Variants in OR2M3 observed in about 807,000 individuals in gnomAD.
The protein encoded by OR2M3 is olfactory receptor 2M3.
In OR2M3, 1 loss-of-function variant was observed where a neutral mutation model predicts 4.3. The ratio of observed to expected loss-of-function variants is 0.23; its 90% CI spans 0.08 to 1.11. The LOEUF (loss-of-function observed/expected upper bound fraction) is 1.11. Among genes scored for constraint, OR2M3 ranks in the 50% most tolerant of loss-of-function variants. OR2M3 has a pLI of 0.54. For missense variants in OR2M3, 410 were observed against 390.4 expected (o/e 1.05, Z -0.42); for synonymous variants, 151 against 139.4 (o/e 1.08, Z -0.59).
At position 248,212,318 on chromosome 1, in the gene OR2M3, A is replaced by G. The variant is rs1042152990; in HGVS notation, c.*8312A>G. On this transcript the variant is annotated 3_prime_UTR_variant, in exon 2 of 2. Transcript: ENST00000641626. ...TTAGGTAGAAAGAAAGAAAGAAAAT[A>G]TTCAATAATCCTTATCTTTTTAACA... 9 of 152,062 alleles carry G rather than the reference A, an allele frequency of 5.9e-5. No homozygotes were observed. The highest frequency in any genetic ancestry group is 5.9e-5 in the Non-Finnish European group (4 of 67,952). 9.4% of individuals were successfully genotyped at this position (152,062 alleles called of 1,614,324 possible).
rs1416256594 is a variant in OR2M3 at position 248,210,075 on chromosome 1, T to C, written c.*6069T>C. 6.6e-6 allele frequency: 1 copy of C among 151,800 alleles called. No homozygotes were observed. Among genetic ancestry groups the C allele is most frequent in the African/African-American group, 2.4e-5 (1 of 40,954 alleles). 9.4% of individuals were successfully genotyped at this position (151,800 alleles called of 1,614,324 possible). On this transcript the variant is annotated 3_prime_UTR_variant, in exon 2 of 2. Coordinates refer to ENST00000641626, the MANE Select transcript of OR2M3 (RefSeq NM_001004689.2). ...TGGAGTTATATTCCTAGGGAGATTA[T>C]GGCTGCCTCTGCTGCAACACATAGG...
At position 248,207,172 on chromosome 1, in the gene OR2M3, A is replaced by C. The variant is rs1036764646; in HGVS notation, c.*3166A>C. ...TTGTAATATCTCCCTTTTCATTTCT[A>C]ATTGTGTTTATTTGCATCTTCTCTA... On this transcript the variant is annotated 3_prime_UTR_variant, in exon 2 of 2. Coordinates refer to ENST00000641626, the MANE Select transcript of OR2M3 (RefSeq NM_001004689.2). 2 of 151,762 alleles carry C rather than the reference A, an allele frequency of 1.3e-5. No homozygotes were observed. The highest frequency in any genetic ancestry group is 4.8e-5 in the African/African-American group (2 of 41,334). The allele number at this position is 151,762 out of a possible 1,614,324, so 9.4% of individuals were successfully genotyped here.
chr1:248,197,817 A>T (rs1270355314), intron 1 of OR2M3, among the ~76,000 whole-genome samples: 3 of 152,136 alleles, frequency 2.0e-5, no homozygotes, highest in Non-Finnish European at 4.4e-5. Context: ...ACTTTCTCCC[A>T]TACACAAAAT....
chr1:248,201,952 T>C (rs1480878857), intron 1 of OR2M3, among the ~76,000 whole-genome samples: 1 of 152,156 alleles, frequency 6.6e-6, no homozygotes, highest in African/African-American at 2.4e-5. Flanking sequence ...TAAGTGTGGT[T>C]GGAAAGAGTG....
In OR2M3 at chr1:248,203,926, C is replaced by T. The variant is rs779518126; in HGVS notation, c.859C>T (p.Pro287Ser). The change falls in exon 2 of 2, where the codon CCC becomes TCC. Residue 287 changes from proline to serine, a missense_variant. Pro to Ser is a moderately conservative substitution (Grantham distance 74). Coordinates refer to ENST00000641626, the MANE Select transcript of OR2M3 (RefSeq NM_001004689.2). ...FYTILTPMLN[P>S]LIYSLRNKEV... ...CACCATCCTCACTCCCATGTTGAAT[C>T]CCCTCATCTACAGCCTCCGCAACAA... is the stretch of plus-strand genomic sequence containing the variant. 1.2e-6 allele frequency: 2 copies of T among 1,613,786 alleles called. No homozygotes were observed. The highest frequency in any genetic ancestry group is 1.7e-5 in the Admixed American group (1 of 59,972).
chr1:248,203,998 G>C lies in OR2M3; in HGVS notation c.931G>C (p.Gly311Arg), dbSNP rs201419715. 44 of 1,613,746 alleles carry C rather than the reference G, an allele frequency of 2.7e-5. No homozygotes were observed. In the East Asian group the frequency reaches 9.4e-4, roughly 34 times the overall value. ...GAAGATCTTAGGAAAGGGCAAGTCT[G>C]GAGAGTGAGTTACCTAATAAACTTC... ...FMKILGKGKS[G>R]E The change falls in exon 2 of 2, where the codon GGA becomes CGA. Residue 311 changes from glycine to arginine, a missense_variant. Transcript: ENST00000641626.
chr1:248,201,061 T>C (rs1025690068), intron 1 of OR2M3, among the ~76,000 whole-genome samples: 1 of 152,142 alleles, frequency 6.6e-6, no homozygotes, highest in African/African-American at 2.4e-5. Context: ...TAGAACATAA[T>C]TTTTTACTGC....
At chr1:248,200,983 C>T (rs138261360) in intron 1 of OR2M3, among the ~76,000 whole-genome samples, 166 of 152,102 alleles carry the variant, frequency 1.1e-3, no homozygotes, top group African/African-American at 2.9e-3. Flanking sequence ...AAAAATGTGA[C>T]GCATGAATAA....
Position 248,203,303 on chromosome 1 carries a change from C to A in OR2M3, c.236C>A (p.Pro79His), listed in dbSNP as rs1666181755. The A allele has an allele frequency of 4.3e-6, 7 of 1,614,066 alleles. No homozygotes were observed. The highest frequency in any genetic ancestry group is 5.9e-6 in the Non-Finnish European group (7 of 1,179,998). The change falls in exon 2 of 2, where the codon CCC (proline) becomes CAC (histidine). Residue 79 changes from proline (P) to histidine (H), a missense_variant. By Grantham distance (77) the Pro-to-His change is moderately conservative. Coordinates refer to ENST00000641626, the MANE Select transcript of OR2M3 (RefSeq NM_001004689.2). ...CTCATGCTCATCTGCACCACCGTAC[C>A]CAAGATGGCCTTCAACTACCTGTCT... ...MDLMLICTTV[P>H]KMAFNYLSGS...
rs1225020679 is a variant in OR2M3 at position 248,208,023 on chromosome 1, A to T, written c.*4017A>T. On this transcript the variant is annotated 3_prime_UTR_variant, in exon 2 of 2. Coordinates refer to ENST00000641626, the MANE Select transcript of OR2M3 (RefSeq NM_001004689.2). ...GTGCAAATATATTTTGGATTGTAATATTTTCCTGTTAGACTAGCCCTTTTA... is the reference window on the plus strand; with the variant it reads ...GTGCAAATATATTTTGGATTGTAATTTTTTCCTGTTAGACTAGCCCTTTTA... 1 of 151,810 alleles carries T rather than the reference A, an allele frequency of 6.6e-6. No individual in the cohort carries two copies. Among genetic ancestry groups the T allele is most frequent in the Admixed American group, 6.6e-5 (1 of 15,228 alleles). 9.4% of individuals were successfully genotyped at this position (151,810 alleles called of 1,614,324 possible). A position where few individuals can be genotyped will look rare whatever the true frequency, so the allele number is the denominator to read the frequency against.
Position 248,207,197 on chromosome 1 carries a change from A to G in OR2M3, c.*3191A>G, listed in dbSNP as rs1330915459. The G allele has an allele frequency of 6.6e-6, 1 of 151,800 alleles. No individual in the cohort carries two copies. The highest frequency in any genetic ancestry group is 1.5e-5 in the Non-Finnish European group (1 of 67,852). The allele number at this position is 151,800 out of a possible 1,614,324, so 9.4% of individuals were successfully genotyped here. A position where few individuals can be genotyped will look rare whatever the true frequency, so the allele number is the denominator to read the frequency against. On this transcript the variant is annotated 3_prime_UTR_variant, in exon 2 of 2. Coordinates refer to ENST00000641626, the MANE Select transcript of OR2M3 (RefSeq NM_001004689.2). The stretch of plus-strand genomic sequence containing the variant: ...AATTGTGTTTATTTGCATCTTCTCT[A>G]TTCTTTTTTGGTTAATCTTGCTAAT...
At chr1:248,198,714 T>G (rs1666124953) in intron 1 of OR2M3, among the ~76,000 whole-genome samples, 6 of 152,112 alleles carry the variant, frequency 3.9e-5, no homozygotes, top group Admixed American at 3.9e-4. Context: ...CTGGCAGGTG[T>G]AGAGTATCAC....
rs1666201355 is a variant in OR2M3, at chr1:248,204,347, G to A, written c.*341G>A. 4.9e-6 allele frequency: 1 copy of A among 205,554 alleles called. No homozygotes were observed. Among genetic ancestry groups the A allele is most frequent in the Middle Eastern group, 2.2e-3 (1 of 448 alleles). 12.7% of individuals were successfully genotyped at this position (205,554 alleles called of 1,614,324 possible). On this transcript the variant is annotated 3_prime_UTR_variant, in exon 2 of 2. Transcript: ENST00000641626. Reference sequence around the variant, plus strand: ...AGATTTTGGTGCACCCATCACCCAAGCAGTATTCACTGTACCCAATGTGTA... The same window carrying A: ...AGATTTTGGTGCACCCATCACCCAAACAGTATTCACTGTACCCAATGTGTA...
intron 1 of OR2M3, among the ~76,000 whole-genome samples, chr1:248,198,751 T>G (rs998477622): frequency 2.6e-5 from 4 of 152,184 alleles, no homozygotes; most frequent in Non-Finnish European, 4.4e-5. Flanking sequence ...ATCATGATTT[T>G]CATAATTTCT....
chr1:248,209,597 G>A lies in OR2M3; in HGVS notation c.*5591G>A, dbSNP rs1666258642. On this transcript the variant is annotated 3_prime_UTR_variant, in exon 2 of 2. Transcript: ENST00000641626. ...GTCTAGCCACACAGTGGAGCTACCA[G>A]GTTCCATACTGGTACTTGGGAGTGT... The A allele has an allele frequency of 6.6e-6, 1 of 151,342 alleles. No homozygotes were observed. The highest frequency in any genetic ancestry group is 2.5e-5 in the African/African-American group (1 of 40,686). 9.4% of individuals were successfully genotyped at this position (151,342 alleles called of 1,614,324 possible). A position where few individuals can be genotyped will look rare whatever the true frequency, so the allele number is the denominator to read the frequency against.
In OR2M3 at chr1:248,203,035, G is replaced by C; in HGVS notation, c.-18-15G>C. 1.3e-6 allele frequency: 2 copies of C among 1,577,918 alleles called. No homozygotes were observed. The highest frequency in any genetic ancestry group is 1.7e-6 in the Non-Finnish European group (2 of 1,161,280). Reference sequence around the variant, plus strand: ...AAAGTTTTACCAAATTAATACGCTGGTTTTGTGGTACTAGGTAAAAAGCAT... The same window carrying C: ...AAAGTTTTACCAAATTAATACGCTGCTTTTGTGGTACTAGGTAAAAAGCAT... On this transcript the variant is annotated splice_polypyrimidine_tract_variant and intron_variant, in intron 1 of 1. Coordinates refer to ENST00000641626, the MANE Select transcript of OR2M3 (RefSeq NM_001004689.2).
At chr1:248,200,041 G>A (rs1666138518) in intron 1 of OR2M3, among the ~76,000 whole-genome samples, 1 of 152,044 alleles carries the variant, frequency 6.6e-6, no homozygotes, top group Non-Finnish European at 1.5e-5. Flanking sequence ...ATGTCAATTT[G>A]GTGACTGGGA....
intron 1 of OR2M3, among the ~76,000 whole-genome samples, chr1:248,197,576 GA>G (rs1470416164): frequency 6.6e-6 from 1 of 152,110 alleles, no homozygotes; most frequent in Admixed American, 6.6e-5. Context: ...TGGTATTCCA[GA>G]TTTGAAAAAG....
At position 248,210,225 on chromosome 1, in the gene OR2M3, C is replaced by A. The variant is rs1292865936; in HGVS notation, c.*6219C>A. On this transcript the variant is annotated 3_prime_UTR_variant, in exon 2 of 2. Coordinates refer to ENST00000641626, the MANE Select transcript of OR2M3 (RefSeq NM_001004689.2). ...CAACAGCACCAAGTCTATTTCCAGGCAGCTGGTGACCAGGGCTGAGAATTT... is the reference window on the plus strand; with the variant it reads ...CAACAGCACCAAGTCTATTTCCAGGAAGCTGGTGACCAGGGCTGAGAATTT... 6.6e-6 allele frequency: 1 copy of A among 152,220 alleles called. No homozygotes were observed. The highest frequency in any genetic ancestry group is 1.5e-5 in the Non-Finnish European group (1 of 68,144). 9.4% of individuals were successfully genotyped at this position (152,220 alleles called of 1,614,324 possible).
Sources: allele counts gnomAD v4.1 joint callset (sites outside exome capture counted in the v4.1 genomes callset), GRCh38; gene constraint gnomAD v4.1.1; transcripts MANE v1.5; gene names NCBI Gene and HGNC (gene_info 2026-07-23, HGNC 2026-07-21).